SLC52A3: variants seen among roughly 807,000 people sequenced by gnomAD.
SLC52A3 encodes the protein solute carrier family 52 member 3.
SLC52A3 carries 20 observed loss-of-function variants against 29.5 expected under a neutral mutation model. That is an observed-to-expected ratio of 0.68 (90% CI 0.48 to 0.99). The LOEUF (loss-of-function observed/expected upper bound fraction) is 0.99. SLC52A3 is among the 50% of genes least tolerant of loss of function. SLC52A3 has a pLI of 0.00. For missense variants in SLC52A3, 548 were observed against 612.9 expected (o/e 0.89, Z 1.12); for synonymous variants, 301 against 271.0 (o/e 1.11, Z -1.09).
chr20:774,793 A>C (rs572051383), intron 1 of SLC52A3, among the ~76,000 whole-genome samples: 188 of 152,336 alleles, frequency 1.2e-3, no homozygotes, highest in African/African-American at 4.2e-3. Context: ...CCTATTGCAC[A>C]GGTGGGGAAA....
chr20:770,485 A>G (rs1467869310), upstream of SLC52A3, among the ~76,000 whole-genome samples: 1 of 152,226 alleles, frequency 6.6e-6, no homozygotes, highest in Non-Finnish European at 1.5e-5. The surrounding 1 kb of genome is among the most constrained non-coding windows in gnomAD (Gnocchi z 4.5). Context: ...TCAATGTGAA[A>G]ATAACATGTA....
chr20:774,545 C>A (rs1211301008), intron 1 of SLC52A3, among the ~76,000 whole-genome samples: 2 of 152,108 alleles, frequency 1.3e-5, no homozygotes, highest in Admixed American at 1.3e-4. Context: ...ACAGAAAGAA[C>A]CGAAAGCTAG....
At position 765,875 on chromosome 20, in the gene SLC52A3, A is replaced by G; in HGVS notation, c.-51-50T>C. On this transcript the variant is annotated intron_variant, in intron 1 of 4. Transcript: ENST00000645534. This position sits in a 1 kb window ranked among gnomAD's most constrained non-coding sequence, Gnocchi z 6.6. Reference sequence around the variant, plus strand: ...GTAATTCCAGCTTCACCACCTAGCAAGATGCTGGGACCTGGGGCCCAGAGT... The same window carrying G: ...GTAATTCCAGCTTCACCACCTAGCAGGATGCTGGGACCTGGGGCCCAGAGT... The G allele has an allele frequency of 1.7e-6, 2 of 1,167,670 alleles. No individual in the cohort carries two copies. The highest frequency in any genetic ancestry group is 1.5e-5 in the African/African-American group (1 of 66,324). The allele number at this position is 1,167,670 out of a possible 1,614,324, so 72.3% of individuals were successfully genotyped here. A position where few individuals can be genotyped will look rare whatever the true frequency, so the allele number is the denominator to read the frequency against.
chr20:772,600 TTG>T (rs1555784624), upstream of SLC52A3, among the ~76,000 whole-genome samples: 248 of 147,194 alleles, frequency 1.7e-3, no homozygotes, highest in Non-Finnish European at 2.9e-3. Flanking sequence ...TTTTTTTTTT[TTG>T]TTGTTGTTGT....
chr20:761,248 C>T lies in SLC52A3; in HGVS notation c.1198-10G>A. 1.3e-6 allele frequency: 2 copies of T among 1,544,460 alleles called. No homozygotes were observed. The highest frequency in any genetic ancestry group is 8.7e-7 in the Non-Finnish European group (1 of 1,144,398). On this transcript the variant is annotated splice_polypyrimidine_tract_variant and intron_variant, in intron 4 of 4. Transcript: ENST00000645534. The stretch of plus-strand genomic sequence containing the variant: ...GCACCCACGAGGCCACCTGCGGGGC[C>T]GGGAGGGAAGAGGTGCAGAGTCACG...
chr20:769,215 A>C (rs1476479525), upstream of SLC52A3, among the ~76,000 whole-genome samples: 1 of 152,230 alleles, frequency 6.6e-6, no homozygotes, highest in Non-Finnish European at 1.5e-5. Flanking sequence ...ACAATTTGTT[A>C]CTGTAATCAG....
chr20:776,498 C>T (rs1323146804), upstream of SLC52A3, among the ~76,000 whole-genome samples: 1 of 152,012 alleles, frequency 6.6e-6, no homozygotes, highest in Non-Finnish European at 1.5e-5. Context: ...TATTACTATC[C>T]CTATTTTCCA....
Position 765,152 on chromosome 20 carries a change from C to A in SLC52A3, c.567+56G>T. 1.2e-6 allele frequency: 2 copies of A among 1,601,492 alleles called. No individual in the cohort carries two copies. The highest frequency in any genetic ancestry group is 4.5e-5 in the East Asian group (2 of 44,806). On this transcript the variant is annotated intron_variant, in intron 2 of 4. Transcript: ENST00000645534. The surrounding 1 kb of genome is among the most constrained non-coding windows in gnomAD (Gnocchi z 6.6). ...GGATGGAGGTGAGCAGTTTTTCCCT[C>A]CCCTACATTTGTGATAAAGCCAAGT...
At chr20:773,903 A>C (rs1266094144) in intron 1 of SLC52A3, among the ~76,000 whole-genome samples, 1 of 152,206 alleles carries the variant, frequency 6.6e-6, no homozygotes, top group African/African-American at 2.4e-5. Context: ...CAGGGAGCTC[A>C]GGCAGCTTCC....
rs141917259 is a variant in SLC52A3, at chr20:775,646, C to G, written c.-238+309G>C. Among the ~76,000 whole-genome samples, 546 of 152,134 alleles carry G rather than the reference C, an allele frequency of 3.6e-3. 5 individuals are homozygous for G. The highest frequency in any genetic ancestry group is 0.013 in the African/African-American group (520 of 41,488). On this transcript the variant is annotated intron_variant, in intron 1 of 5. Transcript: ENST00000217254. ...TTCACCTGGATGGCTCAGCCTGTCC[C>G]GACTCCAACATGCCAGCTGAGGAGG...
At position 763,930 on chromosome 20, in the gene SLC52A3, A is replaced by C; in HGVS notation, c.641T>G (p.Leu214Arg). The change falls in exon 3 of 5, where the codon CTT (leucine) becomes CGT (arginine). Residue 214 changes from leucine to arginine, a missense_variant. Physicochemically the swap from Leu to Arg is moderately radical, Grantham distance 102. Coordinates refer to ENST00000645534, the MANE Select transcript of SLC52A3 (RefSeq NM_033409.4). ...GACCAGGGGTGAGAAGTGGGCGGGA[A>C]GGTAGCGGCTCTCCAGGTGGGACAA... ...APLSHLESRY[L>R]PAHFSPLVFF... 1 of 1,613,784 alleles carries C rather than the reference A, an allele frequency of 6.2e-7. No homozygotes were observed. The highest frequency in any genetic ancestry group is 8.5e-7 in the Non-Finnish European group (1 of 1,179,842).
chr20:761,394 T>TG, intron 4 of SLC52A3, 156 bp from the exon 5 acceptor site: 1 of 903,646 alleles, frequency 1.1e-6, no homozygotes, highest in Non-Finnish European at 1.6e-6. Context: ...ACGGGTCCCA[T>TG]GAGTTGGCCG....
At position 765,439 on chromosome 20, in the gene SLC52A3, G is replaced by T. The variant is rs755489185; in HGVS notation, c.336C>A (p.Thr112=). ...GHHSIAFLVL[T]FFLALVDCTS... ...TGCAGTCCACCAGGGCCAGGAAGAA[G>T]GTGAGGACCAAGAAGGCGATGCTGT... Residue 112 remains threonine (T), a synonymous_variant, in exon 2 of 5, where the codon ACC becomes ACA. Transcript: ENST00000645534. This position sits in a 1 kb window ranked among gnomAD's most constrained non-coding sequence, Gnocchi z 6.6. The T allele has an allele frequency of 1.9e-6, 3 of 1,612,948 alleles. No homozygotes were observed. Among genetic ancestry groups the T allele is most frequent in the South Asian group, 2.2e-5 (2 of 90,924 alleles).
rs1392216140 is a variant in SLC52A3, at chr20:763,972, G to A, written c.599C>T (p.Pro200Leu). The change falls in exon 3 of 5, where the codon CCC (proline) becomes CTC (leucine). Residue 200 changes from proline to leucine, a missense_variant. Pro to Leu is a moderately conservative substitution (Grantham distance 98). Coordinates refer to ENST00000645534, the MANE Select transcript of SLC52A3 (RefSeq NM_033409.4). ...GVPRALVSAL[P>L]GMEAPLSHLE... ...GTGGGACAAGGGTGCTTCCATTCCG[G>A]GGAGGGCGGACACCAAAGCTCTGGG... 4 of 1,599,200 alleles carry A rather than the reference G, an allele frequency of 2.5e-6. No individual in the cohort carries two copies. Among genetic ancestry groups the A allele is most frequent in the Admixed American group, 1.8e-5 (1 of 56,702 alleles).
chr20:763,655 G>A lies in SLC52A3; in HGVS notation c.916C>T (p.Leu306=). 1 of 1,614,162 alleles carries A rather than the reference G, an allele frequency of 6.2e-7. No individual in the cohort carries two copies. The highest frequency in any genetic ancestry group is 2.2e-5 in the East Asian group (1 of 44,874). ...CPAHLAFIYT[L]VAFVNALTNG... ...GTGAGCGCGTTGACGAAGGCCACCAGGGTATAGATGAAGGCCAGGTGCGCC... is the reference window on the plus strand; with the variant it reads ...GTGAGCGCGTTGACGAAGGCCACCAAGGTATAGATGAAGGCCAGGTGCGCC... Residue 306 remains leucine, a synonymous_variant, in exon 3 of 5, where the codon CTG becomes TTG. Transcript: ENST00000645534.
chr20:774,290 C>G (rs575143499), intron 1 of SLC52A3, among the ~76,000 whole-genome samples: 1 of 152,326 alleles, frequency 6.6e-6, no homozygotes, highest in South Asian at 2.1e-4. Context: ...CAGCCTGACA[C>G]TGGATACATC....
chr20:780,006 G>T (rs977216950), upstream of SLC52A3, among the ~76,000 whole-genome samples: 1 of 152,152 alleles, frequency 6.6e-6, no homozygotes, highest in African/African-American at 2.4e-5. Flanking sequence ...GGCATTCTTT[G>T]CTTACCACAG....
upstream of SLC52A3, among the ~76,000 whole-genome samples, chr20:778,057 C>A (rs1465433393): frequency 6.7e-6 from 1 of 149,996 alleles, no homozygotes; most frequent in Non-Finnish European, 1.5e-5. Context: ...TTTTTTTTGC[C>A]CAGGCTGGAG....
In SLC52A3 at chr20:764,018, A is replaced by ACAGGTCGAT; in HGVS notation, c.568-16_568-15insATCGACCTG. ...CTGGGAACTCCCTGCAAAGGACAAG[A>ACAGGTCGAT]CAGATCCCTGGTCAGGGGAGGGGAT... is the stretch of plus-strand genomic sequence containing the variant. On this transcript the variant is annotated splice_polypyrimidine_tract_variant and intron_variant, in intron 2 of 4. Coordinates refer to ENST00000645534, the MANE Select transcript of SLC52A3 (RefSeq NM_033409.4). The ACAGGTCGAT allele has an allele frequency of 6.5e-7, 1 of 1,549,078 alleles. No individual in the cohort carries two copies. The highest frequency in any genetic ancestry group is 8.7e-7 in the Non-Finnish European group (1 of 1,144,122).
Sources: allele counts gnomAD v4.1 joint callset (sites outside exome capture counted in the v4.1 genomes callset), GRCh38; gene constraint gnomAD v4.1.1; non-coding constraint Gnocchi (gnomAD v3.1); transcripts MANE v1.5; gene names NCBI Gene and HGNC (gene_info 2026-07-23, HGNC 2026-07-21).